ADAMTS17: variants seen among roughly 807,000 people sequenced by gnomAD.
ADAMTS17 encodes A disintegrin and metalloproteinase with thrombospondin motifs 17.
Under a neutral mutation model 141.5 loss-of-function variants are expected in ADAMTS17, and 113 were observed. That is an observed-to-expected ratio of 0.80 (90% CI 0.69 to 0.93). The LOEUF (loss-of-function observed/expected upper bound fraction) is 0.93. Ranked by LOEUF, ADAMTS17 falls within the 40% of genes least tolerant of loss-of-function variation. The pLI is 0.00. For missense variants in ADAMTS17, 1,659 were observed against 1,517.9 expected (o/e 1.09, Z -1.54); for synonymous variants, 768 against 630.6 (o/e 1.22, Z -3.27).
At chr15:100,072,916 T>C (rs2034084541) in intron 15 of ADAMTS17, among the ~76,000 whole-genome samples, 2 of 151,776 alleles carry the variant, frequency 1.3e-5, no homozygotes, top group Non-Finnish European at 2.9e-5. Flanking sequence ...TGGGACAAAA[T>C]TGACAAAATT....
chr15:99,983,485 C>T (rs926028570), intron 20 of ADAMTS17, among the ~76,000 whole-genome samples: 2 of 152,154 alleles, frequency 1.3e-5, no homozygotes, highest in Non-Finnish European at 2.9e-5. Flanking sequence ...CAGCGGGATT[C>T]CCTTCCCCTA....
At chr15:100,206,949 G>A (rs1254171989) in intron 7 of ADAMTS17, among the ~76,000 whole-genome samples, 1 of 152,210 alleles carries the variant, frequency 6.6e-6, no homozygotes, top group Non-Finnish European at 1.5e-5. Flanking sequence ...TGTGATGACA[G>A]CCGGAGCCAG....
intron 4 of ADAMTS17, among the ~76,000 whole-genome samples, chr15:100,273,741 C>T (rs984969546): frequency 6.6e-6 from 1 of 152,098 alleles, no homozygotes. Context: ...AATAAAATAG[C>T]TTGTTCTTCT....
intron 8 of ADAMTS17, among the ~76,000 whole-genome samples, chr15:100,184,111 G>T (rs544410835): frequency 6.6e-6 from 1 of 152,196 alleles, no homozygotes; most frequent in Non-Finnish European, 1.5e-5. Flanking sequence ...AGTTGAGTAG[G>T]CCTGGGGTTT....
At position 100,100,831 on chromosome 15, in the gene ADAMTS17, A is replaced by G. The variant is rs568888592; in HGVS notation, c.2017-4355T>C. ...AAACGTCCGCACATATGAATTTAAGACCCTCCATGATCTCATTCCAGCTGC... is the reference window on the plus strand; with the variant it reads ...AAACGTCCGCACATATGAATTTAAGGCCCTCCATGATCTCATTCCAGCTGC... On this transcript the variant is annotated intron_variant, in intron 14 of 21. Transcript: ENST00000268070. Among the ~76,000 whole-genome samples the G allele has an allele frequency of 4.6e-5, 7 of 151,838 alleles. No homozygotes were observed. The South Asian group carries it at 1.3e-3, about 27-fold the overall frequency.
intron 3 of ADAMTS17, among the ~76,000 whole-genome samples, chr15:100,310,969 G>A (rs59050897): frequency 0.51 from 78,183 of 152,092 alleles, 20,308 homozygotes; most frequent in South Asian, 0.61. Context: ...GCTGGAAAAC[G>A]CTCAACAAAA....
At chr15:100,230,948 G>C (rs1338078125) in intron 7 of ADAMTS17, among the ~76,000 whole-genome samples, 16 of 152,122 alleles carry the variant, frequency 1.1e-4, no homozygotes, top group Admixed American at 1.0e-3. Flanking sequence ...GAGACAGAGG[G>C]ATTAGCAATA....
Position 99,997,681 on chromosome 15 carries a change from T to G in ADAMTS17, c.2592-92A>C, listed in dbSNP as rs891850525. 2.0e-6 allele frequency: 3 copies of G among 1,524,296 alleles called. No homozygotes were observed. The highest frequency in any genetic ancestry group is 2.7e-6 in the Non-Finnish European group (3 of 1,107,584). 94.4% of individuals were successfully genotyped at this position (1,524,296 alleles called of 1,614,324 possible). A position where few individuals can be genotyped will look rare whatever the true frequency, so the allele number is the denominator to read the frequency against. On this transcript the variant is annotated intron_variant, in intron 18 of 21. Coordinates refer to ENST00000268070, the MANE Select transcript of ADAMTS17 (RefSeq NM_139057.4). The surrounding 1 kb of genome is among the most constrained non-coding windows in gnomAD (Gnocchi z 4.7). ...CGGCCGGATCCTGGAATTGCTGCCC[T>G]GTGGTGGGAGAGAGGGAGGCAGACT...
intron 18 of ADAMTS17, among the ~76,000 whole-genome samples, chr15:99,999,042 G>A (rs371079265): frequency 1.3e-5 from 2 of 152,168 alleles, no homozygotes; most frequent in Non-Finnish European, 2.9e-5. Context: ...TCCTTTGAAC[G>A]GGTACTGGAC....
At chr15:100,096,908 A>C (rs906746145) in intron 14 of ADAMTS17, among the ~76,000 whole-genome samples, 1 of 152,228 alleles carries the variant, frequency 6.6e-6, no homozygotes, top group African/African-American at 2.4e-5. Context: ...TGGCTGAAAC[A>C]ACCAGTAGTC....
At chr15:100,017,293 C>T (rs1342266209) in intron 18 of ADAMTS17, among the ~76,000 whole-genome samples, 2 of 152,226 alleles carry the variant, frequency 1.3e-5, no homozygotes, top group Non-Finnish European at 2.9e-5. Context: ...CTATCTGCCT[C>T]CCAGCTGTGA....
chr15:99,975,993 G>A, intron 21 of ADAMTS17, 52 bp downstream of exon 21: 1 of 1,518,086 alleles, frequency 6.6e-7, no homozygotes. Flanking sequence ...AGGACTTACT[G>A]GGCAGGAGAC....
At chr15:100,122,133 G>C (rs2037483027) in intron 12 of ADAMTS17, among the ~76,000 whole-genome samples, 1 of 152,236 alleles carries the variant, frequency 6.6e-6, no homozygotes, top group Middle Eastern at 3.4e-3. Context: ...ATCAAGATTT[G>C]TTCCTTCCTT....
intron 2 of ADAMTS17, among the ~76,000 whole-genome samples, chr15:100,332,836 C>T (rs576123614): frequency 1.3e-3 from 199 of 152,318 alleles, no homozygotes; most frequent in African/African-American, 4.7e-3. Context: ...TGGGTACTCG[C>T]CCCGGCAGCC....
chr15:99,972,892 C>CAGCA lies in ADAMTS17; in HGVS notation c.*1506_*1509dup. Reference sequence around the variant, plus strand: ...TGTAACAAAACAAAACACAGAAACACAGCACCAATAAATCAAGAAGCACAG... The same window carrying CAGCA: ...TGTAACAAAACAAAACACAGAAACACAGCAAGCACCAATAAATCAAGAAGCACAG... On this transcript the variant is annotated 3_prime_UTR_variant, in exon 22 of 22. Coordinates refer to ENST00000268070, the MANE Select transcript of ADAMTS17 (RefSeq NM_139057.4). The CAGCA allele has an allele frequency of 6.6e-6, 1 of 152,300 alleles. No individual in the cohort carries two copies. The highest frequency in any genetic ancestry group is 3.4e-3 in the Middle Eastern group (1 of 294). The allele number at this position is 152,300 out of a possible 1,614,324, so 9.4% of individuals were successfully genotyped here.
chr15:100,271,407 TA>T (rs1327220923), intron 4 of ADAMTS17, among the ~76,000 whole-genome samples: 3 of 152,136 alleles, frequency 2.0e-5, no homozygotes, highest in African/African-American at 7.2e-5. Flanking sequence ...TTTGGTGTTT[TA>T]TTTTTTTGTT....
At chr15:100,100,757 A>G (rs1364800019) in intron 14 of ADAMTS17, among the ~76,000 whole-genome samples, 1 of 146,852 alleles carries the variant, frequency 6.8e-6, no homozygotes, top group African/African-American at 2.7e-5. Context: ...TAATCTCCAC[A>G]CAAAAAGAGA....
intron 2 of ADAMTS17, among the ~76,000 whole-genome samples, chr15:100,332,832 C>T (rs2046095707): frequency 6.6e-6 from 1 of 152,202 alleles, no homozygotes; most frequent in Non-Finnish European, 1.5e-5. Flanking sequence ...CTAGTGGGTA[C>T]TCGCCCCGGC....
Position 100,341,878 on chromosome 15 carries a change from G to C in ADAMTS17, c.22C>G (p.Pro8Ala), listed in dbSNP as rs770794109. Residue 8 changes from proline (P) to alanine (A), a missense_variant, in exon 1 of 22, where the codon CCT (proline) becomes GCT (alanine). Transcript: ENST00000268070. ...AGCAGCACGGGCAGGACGAGCGGAG[G>C]CAGCAGGGCGCCGTCACACATGGTA... Reference protein sequence around the residue: MCDGALLPPLVLPVLLLL... With the variant: MCDGALLAPLVLPVLLLL... 10 of 1,551,864 alleles carry C rather than the reference G, an allele frequency of 6.4e-6. No homozygotes were observed. The highest frequency in any genetic ancestry group is 8.7e-6 in the Non-Finnish European group (10 of 1,147,718).
Sources: gnomAD v4.1 joint callset for allele counts (sites outside exome capture counted in the v4.1 genomes callset) on GRCh38, gnomAD v4.1.1 for gene constraint, Gnocchi (gnomAD v3.1) non-coding constraint, MANE v1.5 for transcripts, NCBI Gene and HGNC (gene_info 2026-07-23, HGNC 2026-07-21) for gene names.